The following STXBP3 variants were observed in gnomAD, a reference collection of about 807,000 sequenced individuals.
STXBP3 encodes the protein syntaxin binding protein 3, also known as syntaxin-binding protein 3.
In STXBP3, 41 loss-of-function variants were observed where a neutral mutation model predicts 85.7. The observed-to-expected ratio is 0.48, with a 90% CI of 0.37 to 0.62. The LOEUF is 0.62. Ranked by LOEUF, STXBP3 falls within the 20% of genes least tolerant of loss-of-function variation. STXBP3 has a pLI of 0.00. For missense variants in STXBP3, 563 were observed against 703.1 expected (o/e 0.80, Z 2.25); for synonymous variants, 229 against 231.7 (o/e 0.99, Z 0.10).
intron 17 of STXBP3, among the ~76,000 whole-genome samples, chr1:108,805,396 A>G (rs1663306613): frequency 6.6e-6 from 1 of 151,148 alleles, no homozygotes; most frequent in African/African-American, 2.4e-5. Context: ...AATGGAAGCA[A>G]TCATCTGAAA....
At chr1:108,798,376 G>T in intron 16 of STXBP3, 139 bp downstream of exon 16, 8 of 325,172 alleles carry the variant, frequency 2.5e-5, no homozygotes, top group East Asian at 6.3e-5. Flanking sequence ...AAAAAAGCCT[G>T]TATCTGGGAA....
chr1:108,791,692 A>C (rs955573687), intron 11 of STXBP3, among the ~76,000 whole-genome samples: 1 of 152,098 alleles, frequency 6.6e-6, no homozygotes, highest in Non-Finnish European at 1.5e-5. Flanking sequence ...CCTTTGTAGT[A>C]TACAGTTCTG....
chr1:108,805,629 T>C (rs1209530367), intron 17 of STXBP3, among the ~76,000 whole-genome samples: 1 of 152,220 alleles, frequency 6.6e-6, no homozygotes, highest in Non-Finnish European at 1.5e-5. Flanking sequence ...TTCACCATGT[T>C]GGCCAGAATG....
chr1:108,763,809 C>T lies in STXBP3; in HGVS notation c.438+3724C>T, dbSNP rs141443954. 7.5e-3 allele frequency among the ~76,000 whole-genome samples: 1,134 copies of T among 151,764 alleles called. 13 individuals are homozygous for T. Among genetic ancestry groups the T allele is most frequent in the African/African-American group, 0.026 (1,079 of 41,354 alleles). The stretch of plus-strand genomic sequence containing the variant: ...GTTGTTCAGGGTGGTCTTGAACTCC[C>T]GACCTCAAGTGATCTGCCCACCTCA... On this transcript the variant is annotated intron_variant, in intron 6 of 18. Transcript: ENST00000370008.
At chr1:108,774,088 G>A (rs1355302146) in intron 7 of STXBP3, among the ~76,000 whole-genome samples, 1 of 152,032 alleles carries the variant, frequency 6.6e-6, no homozygotes, top group East Asian at 1.9e-4. Flanking sequence ...TTGATTTTGA[G>A]CTGGTATAAA....
At chr1:108,787,191 A>G (rs1050620309) in intron 11 of STXBP3, among the ~76,000 whole-genome samples, 8 of 152,074 alleles carry the variant, frequency 5.3e-5, no homozygotes, top group African/African-American at 1.7e-4. Context: ...TGGCCAGGCT[A>G]GTCTCTGAAT....
intron 1 of STXBP3, among the ~76,000 whole-genome samples, chr1:108,747,649 ATTAGTATTTC>A (rs1248089509): frequency 6.6e-6 from 1 of 152,234 alleles, no homozygotes; most frequent in Non-Finnish European, 1.5e-5. Context: ...GTAGCATCTA[ATTAGTATTTC>A]TTAGTCCAAC....
intron 6 of STXBP3, among the ~76,000 whole-genome samples, chr1:108,761,434 A>G (rs1474393783): frequency 6.6e-6 from 1 of 152,282 alleles, no homozygotes; most frequent in South Asian, 2.1e-4. Flanking sequence ...AGATAAATAT[A>G]ATTTTAGCCC....
chr1:108,777,585 A>C (rs1261045606), intron 8 of STXBP3, among the ~76,000 whole-genome samples: 1 of 152,208 alleles, frequency 6.6e-6, no homozygotes, highest in Non-Finnish European at 1.5e-5. Context: ...ATGTTTGTTG[A>C]ATGAAGAGAT....
chr1:108,759,984 G>T lies in STXBP3; in HGVS notation c.338-1G>T. 1 of 1,548,776 alleles carries T rather than the reference G, an allele frequency of 6.5e-7. No individual in the cohort carries two copies. The highest frequency in any genetic ancestry group is 8.7e-7 in the Non-Finnish European group (1 of 1,149,948). ...TATGCTTTGTTTTTTTTTCCCCTCA[G>T]TTTGCCCTGATAATCTCTTTAACAA... On this transcript the variant is annotated splice_acceptor_variant, in intron 5 of 18. Transcript: ENST00000370008. LOFTEE classifies it high-confidence loss of function.
At chr1:108,776,232 C>T in intron 7 of STXBP3, 101 bp from the exon 8 acceptor site, 2 of 682,190 alleles carry the variant, frequency 2.9e-6, no homozygotes, top group South Asian at 8.7e-5. Context: ...ATTTTGTAAA[C>T]ATTTTTTAAA....
intron 6 of STXBP3, 151 bp downstream of exon 6, chr1:108,760,236 C>T: frequency 2.0e-6 from 1 of 503,590 alleles, no homozygotes; most frequent in Non-Finnish European, 3.4e-6. Context: ...ATGATGAAGT[C>T]AGACGCGTGA....
intron 6 of STXBP3, chr1:108,766,797 C>CA (rs1319421520): frequency 8.1e-6 from 2 of 246,490 alleles, no homozygotes; most frequent in Non-Finnish European, 1.6e-5. Context: ...TCAAACCCTC[C>CA]AAATTGACTC....
In STXBP3 at chr1:108,779,351, T is replaced by G; in HGVS notation, c.750T>G (p.His250Gln). ...RGFDPVSTVL[H>Q]ELTFQAMAYD... The stretch of plus-strand genomic sequence containing the variant: ...TTGATCCTGTGTCCACTGTCCTGCA[T>G]GAACTGACCTTTCAGGCAATGGCAT... Residue 250 changes from histidine (H) to glutamine (Q), a missense_variant, in exon 9 of 19, where the codon CAT becomes CAG. Around this residue, in one of 3 missense-constraint regions of STXBP3, gnomAD observed 494 missense variants for 592.8 expected, o/e 0.83. Coordinates refer to ENST00000370008, the MANE Select transcript of STXBP3 (RefSeq NM_007269.4). The G allele has an allele frequency of 1.2e-6, 2 of 1,613,312 alleles. No homozygotes were observed. Among genetic ancestry groups the G allele is most frequent in the Non-Finnish European group, 1.7e-6 (2 of 1,179,514 alleles).
chr1:108,799,122 G>C (rs1221452748), intron 16 of STXBP3, among the ~76,000 whole-genome samples: 1 of 152,044 alleles, frequency 6.6e-6, no homozygotes, highest in Admixed American at 6.6e-5. Context: ...CTTTTCCTTT[G>C]ACTTAAACCC....
chr1:108,809,266 G>A lies in STXBP3; in HGVS notation c.*389G>A, dbSNP rs1277507554. 6.4e-6 allele frequency: 1 copy of A among 156,936 alleles called. No homozygotes were observed. Among genetic ancestry groups the A allele is most frequent in the Non-Finnish European group, 1.4e-5 (1 of 71,408 alleles). 9.7% of individuals were successfully genotyped at this position (156,936 alleles called of 1,614,324 possible). A position where few individuals can be genotyped will look rare whatever the true frequency, so the allele number is the denominator to read the frequency against. Reference sequence around the variant, plus strand: ...AAGAATGATTTTAAATAAAGAGATTGTAAAAGTAAAAAACTGTAAATGTAT... The same window carrying A: ...AAGAATGATTTTAAATAAAGAGATTATAAAAGTAAAAAACTGTAAATGTAT... On this transcript the variant is annotated 3_prime_UTR_variant, in exon 19 of 19. Coordinates refer to ENST00000370008, the MANE Select transcript of STXBP3 (RefSeq NM_007269.4).
chr1:108,789,213 A>C (rs943926274), intron 11 of STXBP3, among the ~76,000 whole-genome samples: 1 of 152,196 alleles, frequency 6.6e-6, no homozygotes, highest in African/African-American at 2.4e-5. Flanking sequence ...ACTTTGTTTT[A>C]AATGAAGCTT....
intron 6 of STXBP3, among the ~76,000 whole-genome samples, chr1:108,761,573 C>T (rs997942916): frequency 2.0e-5 from 3 of 152,148 alleles, no homozygotes; most frequent in African/African-American, 7.2e-5. Context: ...GAAGTTTCTA[C>T]TTATCAGTCT....
intron 17 of STXBP3, among the ~76,000 whole-genome samples, chr1:108,802,736 C>G (rs1663258099): frequency 6.6e-6 from 1 of 152,178 alleles, no homozygotes. Flanking sequence ...ACAATTTCAT[C>G]CAGGAATATA....
Sources: gnomAD v4.1 joint callset for allele counts (sites outside exome capture counted in the v4.1 genomes callset) on GRCh38, gnomAD v4.1.1 for gene constraint, gnomAD v4.1.1 regional missense constraint, MANE v1.5 for transcripts, NCBI Gene and HGNC (gene_info 2026-07-23, HGNC 2026-07-21) for gene names.